Variants in GNAT2 observed in about 807,000 individuals in gnomAD.
The protein encoded by GNAT2 is G protein subunit alpha transducin 2.
A neutral mutation model predicts 40.9 loss-of-function variants in GNAT2; 32 were observed. That is an observed-to-expected ratio of 0.78 (90% CI 0.59 to 1.05). The LOEUF (loss-of-function observed/expected upper bound fraction) is 1.05. GNAT2 is among the 50% of genes least tolerant of loss of function. The probability of loss-of-function intolerance (pLI) is 0.00; values close to 1 mark genes in which losing one functional copy is unlikely to be tolerated. For synonymous variants in GNAT2, 141 were observed against 157.2 expected (o/e 0.90, Z 0.77); for missense variants, 355 against 431.5 (o/e 0.82, Z 1.57).
At chr1:109,617,690 AG>A (rs1649988764) in intron 1 of GNAT2, 1 of 152,258 alleles carries the variant, frequency 6.6e-6, no homozygotes, top group Admixed American at 6.5e-5. Context: ...ACTAGCATAA[AG>A]GGACTAATGA....
At chr1:109,603,865 C>T (rs570997060) in intron 8 of GNAT2, 86 bp downstream of exon 8, 1 of 1,009,650 alleles carries the variant, frequency 9.9e-7, no homozygotes, top group East Asian at 2.4e-5. Flanking sequence ...CCTTAAGTTC[C>T]TTTGTGTCAT....
intron 2 of GNAT2, 128 bp downstream of exon 2, chr1:109,612,625 A>C (rs1428531912): frequency 1.3e-6 from 1 of 742,358 alleles, no homozygotes; most frequent in Non-Finnish European, 2.5e-6. Flanking sequence ...CCCTAGCCAG[A>C]CTGTGTAGAG....
In GNAT2 at chr1:109,606,330, A is replaced by G. The variant is rs1162212166; in HGVS notation, c.568T>C (p.Ser190Pro). The G allele has an allele frequency of 1.2e-6, 2 of 1,613,892 alleles. No individual in the cohort carries two copies. Among genetic ancestry groups the G allele is most frequent in the African/African-American group, 1.3e-5 (1 of 75,046 alleles). ...TACCTGAAATTCAAGTCTTTGACGG[A>G]AAACTTGGTTTCAATGATGCCCGTG... is the stretch of plus-strand genomic sequence containing the variant. ...KTTGIIETKF[S>P]VKDLNFRMFD... The change falls in exon 6 of 9, where the codon TCC becomes CCC. Residue 190 changes from serine (S) to proline (P), a missense_variant. By Grantham distance (74) the Ser-to-Pro change is moderately conservative (BLOSUM62 -1). Transcript: ENST00000679935.
At chr1:109,611,123 A>C (rs1570565688) in intron 2 of GNAT2, 1 of 157,096 alleles carries the variant, frequency 6.4e-6, no homozygotes, top group Non-Finnish European at 1.4e-5. Context: ...TGATCCTCCC[A>C]CCTCAGTCTC....
rs146945932 is a variant in GNAT2, at chr1:109,610,479, G to A, written c.147C>T (p.Ile49=). The part of the protein sequence containing the change: ...LGAGESGKST[I]VKQMKIIHQD... ...TTTCTACTCACTTCATCTGTTTGACGATGGTGCTCTTTCCTGACTCCCCAG... is the reference window on the plus strand; with the variant it reads ...TTTCTACTCACTTCATCTGTTTGACAATGGTGCTCTTTCCTGACTCCCCAG... The change falls in exon 3 of 9, where the codon ATC becomes ATT. Residue 49 remains isoleucine, a synonymous_variant. Coordinates refer to ENST00000679935, the MANE Select transcript of GNAT2 (RefSeq NM_001377295.2). 1,784 of 1,613,756 alleles carry A rather than the reference G, an allele frequency of 1.1e-3. 23 individuals carry two copies. The East Asian group carries it at 0.016, about 15-fold the overall frequency.
intron 4 of GNAT2, chr1:109,609,009 A>G (rs953269539): frequency 1.7e-6 from 1 of 587,534 alleles, no homozygotes; most frequent in Admixed American, 2.7e-5. Flanking sequence ...GGTGTGTCTA[A>G]AGCGGGGCAG....
In GNAT2 at chr1:109,608,652, T is replaced by G. The variant is rs1649694829; in HGVS notation, c.440A>C (p.Gln147Pro). Residue 147 changes from glutamine (Q) to proline (P), a missense_variant, in exon 5 of 9, where the codon CAG (glutamine) becomes CCG (proline). Transcript: ENST00000679935. Reference sequence around the variant, plus strand: ...TTACTAAGATGCGGAGTCATTAAGCTGGTATTCTGCAGCTCTCTCGAAGCA... The same window carrying G: ...TTACTAAGATGCGGAGTCATTAAGCGGGTATTCTGCAGCTCTCTCGAAGCA... ...QACFERAAEY[Q>P]LNDSASYYLN... The G allele has an allele frequency of 6.2e-7, 1 of 1,613,980 alleles. No homozygotes were observed. The highest frequency in any genetic ancestry group is 1.7e-5 in the Admixed American group (1 of 60,004).
At chr1:109,612,715 C>T (rs917910292) in intron 2 of GNAT2, 38 bp downstream of exon 2, 2 of 1,241,482 alleles carry the variant, frequency 1.6e-6, no homozygotes, top group Admixed American at 1.7e-5. Context: ...GTAGGAAGGA[C>T]CCCTGCCTTC....
chr1:109,612,680 T>G, intron 2 of GNAT2, 73 bp downstream of exon 2: 1 of 920,670 alleles, frequency 1.1e-6, no homozygotes, highest in East Asian at 2.4e-5. Flanking sequence ...TGGGGTGAGG[T>G]AGAACCCACC....
rs572222112 is a variant in GNAT2, at chr1:109,603,252, G to T, written c.*102C>A. On this transcript the variant is annotated 3_prime_UTR_variant, in exon 9 of 9. Transcript: ENST00000679935. ...ATGTATACTCCATCTCCAAAGAATG[G>T]ATTCATTCTTCATGTCATGGTATAT... 1.5e-4 allele frequency: 111 copies of T among 731,360 alleles called. No individual in the cohort carries two copies. The East Asian group carries it at 2.9e-3, about 19-fold the overall frequency. 45.3% of individuals were successfully genotyped at this position (731,360 alleles called of 1,614,324 possible). A position where few individuals can be genotyped will look rare whatever the true frequency, so the allele number is the denominator to read the frequency against.
At chr1:109,614,452 G>A (rs901081005) in intron 1 of GNAT2, 1 of 152,198 alleles carries the variant, frequency 6.6e-6, no homozygotes, top group Non-Finnish European at 1.5e-5. Flanking sequence ...GCTAATACAG[G>A]TAGTTATCAC....
intron 7 of GNAT2, chr1:109,604,441 T>C: frequency 3.3e-6 from 1 of 304,958 alleles, no homozygotes; most frequent in Non-Finnish European, 6.4e-6. Flanking sequence ...TATGCAGATC[T>C]TTAGCAGCCA....
chr1:109,606,169 C>T (rs1381056755), intron 6 of GNAT2, 70 bp from the exon 7 acceptor site: 11 of 1,590,524 alleles, frequency 6.9e-6, no homozygotes, highest in South Asian at 1.1e-5. Flanking sequence ...ATGGTCACCC[C>T]GTGAAGTGGG....
chr1:109,611,955 C>G (rs1210951875), intron 2 of GNAT2: 4 of 152,534 alleles, frequency 2.6e-5, no homozygotes, highest in Non-Finnish European at 5.9e-5. Context: ...TCTTCTGCTA[C>G]GTAGACCCTA....
At position 109,605,991 on chromosome 1, in the gene GNAT2, C is replaced by A. The variant is rs2101123732; in HGVS notation, c.699G>T (p.Val233=). 6.2e-7 allele frequency: 1 copy of A among 1,613,804 alleles called. No individual in the cohort carries two copies. Among genetic ancestry groups the A allele is most frequent in the Non-Finnish European group, 8.5e-7 (1 of 1,179,720 alleles). ...FCAALSAYDM[V]LVEDDEVNRM... is the part of the protein sequence containing the mutation. Reference sequence around the variant, plus strand: ...TCACCACTTCGTCATCTTCCACCAGCACCATATCATAGGCACTGAGGGCTG... The same window carrying A: ...TCACCACTTCGTCATCTTCCACCAGAACCATATCATAGGCACTGAGGGCTG... The change falls in exon 7 of 9, where the codon GTG becomes GTT. Residue 233 remains valine, a synonymous_variant. Coordinates refer to ENST00000679935, the MANE Select transcript of GNAT2 (RefSeq NM_001377295.2).
chr1:109,608,431 A>G (rs1649682141), intron 5 of GNAT2, 200 bp downstream of exon 5: 1 of 641,130 alleles, frequency 1.6e-6, no homozygotes, highest in South Asian at 1.8e-5. Flanking sequence ...AGTCATGACA[A>G]CTGTGGCAGA....
In GNAT2 at chr1:109,603,450, C is replaced by A; in HGVS notation, c.969G>T (p.Met323Ile). 6.3e-7 allele frequency: 1 copy of A among 1,593,814 alleles called. No homozygotes were observed. Among genetic ancestry groups the A allele is most frequent in the South Asian group, 1.1e-5 (1 of 90,690 alleles). ...CATTCTGTGTATCTGTAGCACAGGT[C>A]ATGTGACTGTAGATTTCTTTGACAT... ...RKDVKEIYSHMTCATDTQNVK... is the reference protein window; with the variant it reads ...RKDVKEIYSHITCATDTQNVK... Residue 323 changes from methionine to isoleucine, a missense_variant, in exon 9 of 9, where the codon ATG becomes ATT. By Grantham distance (10) the Met-to-Ile change is conservative (BLOSUM62 1). Transcript: ENST00000679935.
intron 3 of GNAT2, 29 bp downstream of exon 3, chr1:109,610,436 T>C (rs1325970356): frequency 1.9e-6 from 3 of 1,607,232 alleles, no homozygotes; most frequent in Non-Finnish European, 2.6e-6. Context: ...TCACCCTATC[T>C]TGTCTTTTGG....
chr1:109,603,133 G>A lies in GNAT2; in HGVS notation c.*221C>T, dbSNP rs963260882. ...TGTATTAAGTTGGAAAACCAGTACT[G>A]GAACCTGGGGGGTCTTCTAACTACT... is the stretch of plus-strand genomic sequence containing the variant. On this transcript the variant is annotated 3_prime_UTR_variant, in exon 9 of 9. Coordinates refer to ENST00000679935, the MANE Select transcript of GNAT2 (RefSeq NM_001377295.2). 3 of 543,612 alleles carry A rather than the reference G, an allele frequency of 5.5e-6. No homozygotes were observed. The highest frequency in any genetic ancestry group is 3.5e-5 in the Admixed American group (1 of 28,336). The allele number at this position is 543,612 out of a possible 1,614,324, so 33.7% of individuals were successfully genotyped here.
Sources: allele counts gnomAD v4.1 joint callset, GRCh38; gene constraint gnomAD v4.1.1; transcripts MANE v1.5; gene names NCBI Gene and HGNC (gene_info 2026-07-23, HGNC 2026-07-21).